The following NLRP8 variants were observed in gnomAD, a reference collection of about 807,000 sequenced individuals.
NLRP8 encodes the protein NLR family pyrin domain containing 8.
Under a neutral mutation model 88.7 loss-of-function variants are expected in NLRP8, and 86 were observed. The observed-to-expected ratio is 0.97, with a 90% CI of 0.81 to 1.16. The LOEUF is 1.16. Ranked by LOEUF, NLRP8 falls within the 50% of genes most tolerant of loss-of-function variation. The probability of loss-of-function intolerance (pLI) is 0.00; values close to 1 mark genes in which losing one functional copy is unlikely to be tolerated. For missense variants in NLRP8, 1,342 were observed against 1,286.5 expected (o/e 1.04, Z -0.66); for synonymous variants, 504 against 494.6 (o/e 1.02, Z -0.25).
chr19:55,948,990 C>T (rs766028880), intron 1 of NLRP8, among the ~76,000 whole-genome samples: 5 of 152,144 alleles, frequency 3.3e-5, no homozygotes, highest in African/African-American at 7.2e-5. Context: ...AAAACCTCAT[C>T]TTCAATATGA....
Position 55,966,307 on chromosome 19 carries a change from G to A in NLRP8, c.2308G>A (p.Glu770Lys). 1 of 1,614,116 alleles carries A rather than the reference G, an allele frequency of 6.2e-7. No individual in the cohort carries two copies. The highest frequency in any genetic ancestry group is 1.7e-5 in the Admixed American group (1 of 60,026). ...GAGATACTTGGAAATACAACATGTG[G>A]AAGTGGAGTCCAAAGCTGTGAAGCT... The change falls in exon 5 of 10, where the codon GAA (glutamate) becomes AAA (lysine). Residue 770 changes from glutamate to lysine, a missense_variant. By Grantham distance (56) the Glu-to-Lys change is moderately conservative. Coordinates refer to ENST00000291971, the MANE Select transcript of NLRP8 (RefSeq NM_176811.2).
At chr19:55,986,766 G>A (rs1303009179) in intron 9 of NLRP8, among the ~76,000 whole-genome samples, 1 of 151,620 alleles carries the variant, frequency 6.6e-6, no homozygotes, top group African/African-American at 2.4e-5. Context: ...TCTTTTTTCC[G>A]TGATTGCCAG....
At chr19:55,948,968 A>T (rs762808775) in intron 1 of NLRP8, among the ~76,000 whole-genome samples, 3 of 152,274 alleles carry the variant, frequency 2.0e-5, no homozygotes, top group Middle Eastern at 3.4e-3. Flanking sequence ...CCACTGGAGG[A>T]TATTGTAATC....
rs971982226 is a variant in NLRP8 at position 55,973,943 on chromosome 19, G to T, written c.2705+121G>T. Reference sequence around the variant, plus strand: ...AAGTGCCTACTGCGTGTTAGGCATGGTGCTAGCACTGAGGGGAAAAGCACA... The same window carrying T: ...AAGTGCCTACTGCGTGTTAGGCATGTTGCTAGCACTGAGGGGAAAAGCACA... On this transcript the variant is annotated intron_variant, in intron 7 of 9. Coordinates refer to ENST00000291971, the MANE Select transcript of NLRP8 (RefSeq NM_176811.2). 3.8e-5 allele frequency: 34 copies of T among 903,242 alleles called. No homozygotes were observed. In the African/African-American group the frequency reaches 5.5e-4, roughly 15 times the overall value. 56.0% of individuals were successfully genotyped at this position (903,242 alleles called of 1,614,324 possible).
chr19:55,955,613 T>G lies in NLRP8; in HGVS notation c.1555T>G (p.Tyr519Asp). ...TCAGGAATTTTTTGCGGCCTTGTTTTATGTTCTCTGTTTCCCACAAAGACT... is the reference window on the plus strand; with the variant it reads ...TCAGGAATTTTTTGCGGCCTTGTTTGATGTTCTCTGTTTCCCACAAAGACT... The change falls in exon 3 of 10, where the codon TAT (tyrosine) becomes GAT (aspartate). Residue 519 changes from tyrosine (Y) to aspartate (D), a missense_variant. Tyr to Asp is a radical substitution (Grantham distance 160). Transcript: ENST00000291971. 1.9e-6 allele frequency: 3 copies of G among 1,614,214 alleles called. No individual in the cohort carries two copies. The highest frequency in any genetic ancestry group is 2.5e-6 in the Non-Finnish European group (3 of 1,180,042).
chr19:55,984,709 C>G (rs993819185), intron 9 of NLRP8, among the ~76,000 whole-genome samples: 1 of 150,238 alleles, frequency 6.7e-6, no homozygotes, highest in African/African-American at 2.5e-5. Context: ...CAGTGGCTCA[C>G]GCCTGTAATC....
intron 4 of NLRP8, among the ~76,000 whole-genome samples, chr19:55,964,088 A>G (rs1016565422): frequency 1.3e-5 from 2 of 152,290 alleles, no homozygotes; most frequent in Non-Finnish European, 1.5e-5. Context: ...AGTTTTTAAG[A>G]TCCAAAAACC....
At chr19:55,977,214 C>CAT (rs898823395) in intron 8 of NLRP8, among the ~76,000 whole-genome samples, 375 of 3,778 alleles carry the variant, frequency 0.099, 6 homozygotes, top group Middle Eastern at 0.4. Flanking sequence ...ACATAAGATA[C>CAT]ATATATATAT....
intron 1 of NLRP8, among the ~76,000 whole-genome samples, chr19:55,950,111 A>T (rs1301429637): frequency 6.6e-6 from 1 of 152,052 alleles, no homozygotes; most frequent in African/African-American, 2.4e-5. Flanking sequence ...TGAAAACCTG[A>T]TGAAAAATAC....
chr19:55,948,211 C>T lies in NLRP8; in HGVS notation c.309C>T (p.Asn103=), dbSNP rs1978937378. ...GACGCGCTTGGGATGTGACTTCGAA[C>T]ATCTTTGCCATTATGAACTGTGATA... Residue 103 remains asparagine, a synonymous_variant, in exon 1 of 10, where the codon AAC becomes AAT. Coordinates refer to ENST00000291971, the MANE Select transcript of NLRP8 (RefSeq NM_176811.2). 3 of 1,614,018 alleles carry T rather than the reference C, an allele frequency of 1.9e-6. No homozygotes were observed. The highest frequency in any genetic ancestry group is 2.2e-5 in the South Asian group (2 of 91,086).
chr19:55,986,442 ACTCTCT>A (rs143870298), intron 9 of NLRP8, among the ~76,000 whole-genome samples: 7 of 127,978 alleles, frequency 5.5e-5, no homozygotes, highest in East Asian at 2.3e-4. Context: ...ACACACATGC[ACTCTCT>A]CTCTCACACA....
chr19:55,978,700 T>C (rs1197416889), intron 8 of NLRP8, among the ~76,000 whole-genome samples: 2 of 152,286 alleles, frequency 1.3e-5, no homozygotes, highest in East Asian at 1.9e-4. Context: ...GGTCACTTAT[T>C]TGTAGATGTG....
intron 1 of NLRP8, among the ~76,000 whole-genome samples, chr19:55,950,696 A>C (rs115780470): frequency 0.013 from 2,046 of 152,240 alleles, 50 homozygotes; most frequent in African/African-American, 0.044. Flanking sequence ...GTGGTGCCAC[A>C]CTTTTGTGCT....
At position 55,955,787 on chromosome 19, in the gene NLRP8, T is replaced by A. The variant is rs1183403252; in HGVS notation, c.1729T>A (p.Cys577Ser). The change falls in exon 3 of 10, where the codon TGC (cysteine) becomes AGC (serine). Residue 577 changes from cysteine to serine, a missense_variant. Physicochemically the swap from Cys to Ser is moderately radical, Grantham distance 112. Transcript: ENST00000291971. ...TTCGGCCGTGGAACAGTCATTCCAA[T>A]GCAAGGTGTCTTTCGGTAATAAGAG... is the stretch of plus-strand genomic sequence containing the variant. 4.3e-6 allele frequency: 7 copies of A among 1,614,212 alleles called. No individual in the cohort carries two copies. The highest frequency in any genetic ancestry group is 8.5e-7 in the Non-Finnish European group (1 of 1,180,030).
In NLRP8 at chr19:55,961,753, A is replaced by G. The variant is rs112303126; in HGVS notation, c.2043-314A>G. Among the ~76,000 whole-genome samples, 1,107 of 152,344 alleles carry G rather than the reference A, an allele frequency of 7.3e-3. 13 individuals are homozygous for G. The highest frequency in any genetic ancestry group is 0.025 in the African/African-American group (1,031 of 41,576). On this transcript the variant is annotated intron_variant, in intron 3 of 9. Transcript: ENST00000291971. ...TTAGAGGCTGCAGCGAGCTGTGTTCAGACCACTATACTCCAGCCTGGGCGG... is the reference window on the plus strand; with the variant it reads ...TTAGAGGCTGCAGCGAGCTGTGTTCGGACCACTATACTCCAGCCTGGGCGG...
chr19:55,978,422 A>G (rs974822284), intron 8 of NLRP8, among the ~76,000 whole-genome samples: 1 of 152,054 alleles, frequency 6.6e-6, no homozygotes, highest in Non-Finnish European at 1.5e-5. Flanking sequence ...AAAGAAAAGG[A>G]CTGTGGAGGC....
At chr19:55,982,252 T>C (rs771767640) in intron 9 of NLRP8, among the ~76,000 whole-genome samples, 13 of 152,066 alleles carry the variant, frequency 8.5e-5, no homozygotes, top group Non-Finnish European at 1.3e-4. Context: ...GCCAGAGCAG[T>C]TGGGGTCTTC....
intron 5 of NLRP8, among the ~76,000 whole-genome samples, chr19:55,969,548 A>G (rs1471268387): frequency 6.6e-6 from 1 of 152,166 alleles, no homozygotes; most frequent in Non-Finnish European, 1.5e-5. Context: ...GCAATTGTGA[A>G]TTGTGCTGCT....
intron 3 of NLRP8, among the ~76,000 whole-genome samples, chr19:55,961,124 C>T (rs1293614346): frequency 2.6e-5 from 4 of 151,960 alleles, no homozygotes; most frequent in African/African-American, 7.3e-5. Flanking sequence ...AGGCTGGTCT[C>T]GAACTCCTGG....
Sources: allele counts gnomAD v4.1 joint callset (sites outside exome capture counted in the v4.1 genomes callset), GRCh38; gene constraint gnomAD v4.1.1; transcripts MANE v1.5; gene names NCBI Gene and HGNC (gene_info 2026-07-23, HGNC 2026-07-21).